The following DIAPH2 variants were observed in gnomAD, a reference collection of about 807,000 sequenced individuals.
DIAPH2 encodes diaphanous related formin 2.
A neutral mutation model predicts 92.7 loss-of-function variants in DIAPH2; 35 were observed. The ratio of observed to expected loss-of-function variants is 0.38; its 90% CI spans 0.29 to 0.50. The LOEUF (loss-of-function observed/expected upper bound fraction) is 0.50. Ranked by LOEUF, DIAPH2 falls within the 20% of genes least tolerant of loss-of-function variation. The pLI, the probability that DIAPH2 is intolerant of heterozygous loss-of-function variation, is 0.94. For missense variants in DIAPH2, 701 were observed against 819.5 expected, an observed-to-expected ratio of 0.86 and a Z score of 1.77; for synonymous variants, 301 against 280.4, an observed-to-expected ratio of 1.07 and a Z score of -0.73.
intron 23 of DIAPH2, among the ~76,000 whole-genome samples, chrX:97,293,880 C>G (rs1345918634): frequency 8.9e-6 from 1 of 111,815 alleles, no homozygotes; most frequent in Non-Finnish European, 1.9e-5. Context: ...GTGGCTACTG[C>G]AAAAGATAAT....
At chrX:97,530,313 A>T (rs2071051131) in intron 26 of DIAPH2, among the ~76,000 whole-genome samples, 1 of 112,036 alleles carries the variant, frequency 8.9e-6, no homozygotes, top group Admixed American at 9.5e-5. Flanking sequence ...TTTCCCACTC[A>T]TAGTATAAAA....
chrX:96,777,234 A>G (rs1226969575), intron 4 of DIAPH2, among the ~76,000 whole-genome samples: 1 of 111,752 alleles, frequency 8.9e-6, no homozygotes, highest in Non-Finnish European at 1.9e-5. Flanking sequence ...GTCATAGGCC[A>G]TTTTTATGTG....
In DIAPH2 at chrX:97,600,585, G is replaced by A. The variant is rs183793127; in HGVS notation, c.*1268G>A. 8.9e-6 allele frequency: 1 copy of A among 112,178 alleles called. No individual in the cohort carries two copies. Among genetic ancestry groups the A allele is most frequent in the Admixed American group, 9.5e-5 (1 of 10,531 alleles). The allele number at this position is 112,178 out of a possible 1,213,427, so 9.2% of individuals were successfully genotyped here. A position where few individuals can be genotyped will look rare whatever the true frequency, so the allele number is the denominator to read the frequency against. On this transcript the variant is annotated 3_prime_UTR_variant, in exon 27 of 27. Transcript: ENST00000324765. ...TTCTACATTTTTCTTAAATAAATTA[G>A]GGAGTAAAAGTTATACTTAACTTGT...
At chrX:97,411,376 CT>C (rs1569389314) in intron 25 of DIAPH2, among the ~76,000 whole-genome samples, 3 of 111,987 alleles carry the variant, frequency 2.7e-5, no homozygotes, top group Non-Finnish European at 5.6e-5. Context: ...CACCACCAGC[CT>C]GCCTTACAAG....
chrX:97,050,594 G>A (rs1419500029), intron 17 of DIAPH2, among the ~76,000 whole-genome samples: 1 of 103,923 alleles, frequency 9.6e-6, no homozygotes, highest in Non-Finnish European at 2.0e-5. Flanking sequence ...ATTCAAATGT[G>A]TCAGTTTTGG....
At chrX:96,803,277 T>C (rs752555503) in intron 4 of DIAPH2, among the ~76,000 whole-genome samples, 1 of 107,918 alleles carries the variant, frequency 9.3e-6, no homozygotes, top group Non-Finnish European at 1.9e-5. Context: ...GTCAATCTTA[T>C]TAAAAGATGT....
At chrX:97,176,710 G>A (rs756892950) in intron 22 of DIAPH2, among the ~76,000 whole-genome samples, 29 of 110,575 alleles carry the variant, frequency 2.6e-4, no homozygotes, top group African/African-American at 9.5e-4. Context: ...TGTATTTTTA[G>A]TAGAGTCAGG....
intron 19 of DIAPH2, among the ~76,000 whole-genome samples, chrX:97,090,398 G>A (rs1406088965): frequency 1.1e-5 from 1 of 90,743 alleles, no homozygotes; most frequent in Non-Finnish European, 2.1e-5. Flanking sequence ...CCAGGCCACC[G>A]CTGCCCGCCA....
intron 26 of DIAPH2, among the ~76,000 whole-genome samples, chrX:97,549,118 A>G (rs1210865617): frequency 1.8e-5 from 2 of 112,087 alleles, no homozygotes; most frequent in African/African-American, 6.5e-5. Flanking sequence ...TTTTTATTTA[A>G]TTTATTTCCT....
intron 17 of DIAPH2, among the ~76,000 whole-genome samples, chrX:97,061,104 C>A (rs891143337): frequency 1.8e-5 from 2 of 112,390 alleles, no homozygotes; most frequent in Admixed American, 1.9e-4. Context: ...ACTCCATTTA[C>A]TTTGATAAAT....
intron 23 of DIAPH2, among the ~76,000 whole-genome samples, chrX:97,342,793 T>C (rs2069123203): frequency 8.9e-6 from 1 of 111,816 alleles, no homozygotes; most frequent in East Asian, 2.8e-4. Context: ...ATAAAATAGG[T>C]CAGAGTAACA....
intron 23 of DIAPH2, among the ~76,000 whole-genome samples, chrX:97,302,002 C>T (rs754631075): frequency 9.6e-6 from 1 of 104,063 alleles, no homozygotes; most frequent in Non-Finnish European, 2.0e-5. Flanking sequence ...ATCACAAGGT[C>T]AAGAGATCGA....
chrX:96,784,414 T>C (rs369778982), intron 4 of DIAPH2, among the ~76,000 whole-genome samples: 1 of 112,111 alleles, frequency 8.9e-6, no homozygotes, highest in African/African-American at 3.2e-5. Flanking sequence ...GTAATGTTGA[T>C]TGAAATATAA....
At chrX:97,074,492 A>G (rs1056890763) in intron 18 of DIAPH2, among the ~76,000 whole-genome samples, 1 of 112,868 alleles carries the variant, frequency 8.9e-6, no homozygotes, top group Non-Finnish European at 1.9e-5. Flanking sequence ...TTAATGGAAC[A>G]TGTTGTTGCA....
chrX:97,443,274 C>T (rs1344306888), intron 26 of DIAPH2, among the ~76,000 whole-genome samples: 4 of 111,912 alleles, frequency 3.6e-5, no homozygotes, highest in African/African-American at 1.3e-4. Context: ...TACCTTGAAT[C>T]TAAGATAGTG....
chrX:96,850,592 T>C (rs989425649), intron 4 of DIAPH2, among the ~76,000 whole-genome samples: 1 of 112,018 alleles, frequency 8.9e-6, no homozygotes, highest in Non-Finnish European at 1.9e-5. Context: ...CTGCAGTGCT[T>C]TCTCCTTTTT....
intron 1 of DIAPH2, among the ~76,000 whole-genome samples, chrX:96,734,117 G>A (rs2064072575): frequency 8.9e-6 from 1 of 112,221 alleles, no homozygotes; most frequent in African/African-American, 3.2e-5. Flanking sequence ...TGATTAAACT[G>A]TCAACATGTA....
In DIAPH2 at chrX:96,942,102, G is replaced by A. The variant is rs753919436; in HGVS notation, c.1410G>A (p.Arg470=). ...CSGMDPDFKY[R]QRLDIDLTHL... ...GTATGGATCCAGACTTCAAATACAG[G>A]CAAAGATTAGACATCGATTTAACTC... The change falls in exon 13 of 27, where the codon AGG becomes AGA. Residue 470 remains arginine (R), a synonymous_variant. Coordinates refer to ENST00000324765, the MANE Select transcript of DIAPH2 (RefSeq NM_006729.5). The A allele has an allele frequency of 1.7e-6, 2 of 1,175,337 alleles. No homozygotes were observed. Among genetic ancestry groups the A allele is most frequent in the Non-Finnish European group, 2.3e-6 (2 of 863,264 alleles).
chrX:96,957,688 A>G (rs745727981), intron 15 of DIAPH2, 140 bp from the exon 16 acceptor site: 15 of 493,020 alleles, frequency 3.0e-5, no homozygotes, highest in Non-Finnish European at 4.9e-5. Context: ...AAATATTTAG[A>G]TATTTTAGTA....
Sources: gnomAD v4.1 joint callset for allele counts (sites outside exome capture counted in the v4.1 genomes callset) on GRCh38, gnomAD v4.1.1 for gene constraint, MANE v1.5 for transcripts, NCBI Gene and HGNC (gene_info 2026-07-23, HGNC 2026-07-21) for gene names.